The following LIMS1 variants were observed in gnomAD, a reference collection of about 807,000 sequenced individuals.
LIMS1 encodes LIM and senescent cell antigen-like-containing domain protein 1.
A neutral mutation model predicts 44.1 loss-of-function variants in LIMS1; 18 were observed. The observed-to-expected ratio is 0.41, with a 90% CI of 0.28 to 0.61. LIMS1 has a LOEUF of 0.61. Ranked by LOEUF, LIMS1 falls within the 20% of genes least tolerant of loss-of-function variation. The pLI is 0.32. For synonymous variants in LIMS1, 93 were observed against 149.1 expected (o/e 0.62, Z 2.74); for missense variants, 201 against 422.0 (o/e 0.48, Z 4.59).
chr2:108,675,045 C>T (rs1039276374), intron 5 of LIMS1, among the ~76,000 whole-genome samples: 2 of 151,820 alleles, frequency 1.3e-5, no homozygotes, highest in African/African-American at 4.8e-5. Context: ...GAAAATAAAC[C>T]TATTAACCTA....
chr2:108,552,140 CTATA>C lies in LIMS1; in HGVS notation c.32+17549_32+17552del, dbSNP rs891294771. Among the ~76,000 whole-genome samples the C allele has an allele frequency of 2.1e-5, 3 of 143,872 alleles. No homozygotes were observed. In the Admixed American group the frequency reaches 2.1e-4, roughly 10 times the overall value. 94.4% of individuals were successfully genotyped at this position (143,872 alleles called of 152,430 possible). On this transcript the variant is annotated intron_variant, in intron 1 of 9. Transcript: ENST00000544547. Reference sequence around the variant, plus strand: ...TATTATATATACTATATATACTTAACTATATAATTATAGTTAAATATATAAATAT... The same window carrying C: ...TATTATATATACTATATATACTTAACTAATTATAGTTAAATATATAAATAT...
intron 1 of LIMS1, among the ~76,000 whole-genome samples, chr2:108,552,613 T>TGTGTGTGTGTGTGTG (rs57721236): frequency 1.3e-5 from 2 of 148,594 alleles, no homozygotes; most frequent in African/African-American, 5.0e-5. Flanking sequence ...TGTGTGTGTG[T>TGTGTGTGTGTGTGTG]TTTTGGAGAC....
chr2:108,552,592 G>GTA (rs1553451194), intron 1 of LIMS1, among the ~76,000 whole-genome samples: 1 of 125,420 alleles, frequency 8.0e-6, no homozygotes, highest in Admixed American at 7.7e-5. Context: ...TTGGGTGTGT[G>GTA]TGTGTGTGTG....
chr2:108,560,802 A>G (rs750389537), intron 1 of LIMS1, among the ~76,000 whole-genome samples: 1 of 152,154 alleles, frequency 6.6e-6, no homozygotes, highest in Non-Finnish European at 1.5e-5. Context: ...AACAGCTGGA[A>G]GAGTGCCTGT....
chr2:108,539,912 C>T (rs1399878840), intron 1 of LIMS1, among the ~76,000 whole-genome samples: 3 of 151,614 alleles, frequency 2.0e-5, no homozygotes, highest in African/African-American at 7.3e-5. Flanking sequence ...GAGTTCTTAC[C>T]TTCGAATTTT....
chr2:108,535,992 CT>C (rs2104559620), intron 1 of LIMS1, among the ~76,000 whole-genome samples: 1 of 152,182 alleles, frequency 6.6e-6, no homozygotes, highest in East Asian at 1.9e-4. Flanking sequence ...ATAATTTGTA[CT>C]CCTTCATCAT....
intron 1 of LIMS1, among the ~76,000 whole-genome samples, chr2:108,550,930 G>A (rs1242750846): frequency 6.6e-6 from 1 of 152,056 alleles, no homozygotes; most frequent in Non-Finnish European, 1.5e-5. Flanking sequence ...AGACCAGCCT[G>A]GGCAACATAA....
chr2:108,636,413 T>A (rs1264608033), intron 1 of LIMS1, among the ~76,000 whole-genome samples: 4 of 152,234 alleles, frequency 2.6e-5, no homozygotes, highest in Non-Finnish European at 5.9e-5. Context: ...CTAGCCACCA[T>A]GCCCTGCAGG....
At chr2:108,575,466 G>A (rs1337074574) in intron 1 of LIMS1, among the ~76,000 whole-genome samples, 2 of 152,178 alleles carry the variant, frequency 1.3e-5, no homozygotes, top group Non-Finnish European at 2.9e-5. Context: ...TGTTTAAAGC[G>A]TGTTAGCCAT....
chr2:108,564,060 AAAG>A (rs1208624706), intron 1 of LIMS1, among the ~76,000 whole-genome samples: 2 of 151,330 alleles, frequency 1.3e-5, no homozygotes, highest in Admixed American at 6.6e-5. Context: ...AAAAAAAAAA[AAAG>A]GAAAAGGAAA....
chr2:108,654,294 G>A (rs1690700337), intron 1 of LIMS1, among the ~76,000 whole-genome samples: 1 of 152,004 alleles, frequency 6.6e-6, no homozygotes, highest in African/African-American at 2.4e-5. Context: ...AGTCATGATA[G>A]AGACTGAGAA....
At chr2:108,625,510 C>T (rs1688514511) in intron 1 of LIMS1, among the ~76,000 whole-genome samples, 1 of 152,194 alleles carries the variant, frequency 6.6e-6, no homozygotes, top group Non-Finnish European at 1.5e-5. Context: ...ACTCTCTCAC[C>T]TCCCAGTTAG....
intron 1 of LIMS1, among the ~76,000 whole-genome samples, chr2:108,646,968 G>A (rs529057387): frequency 7.9e-5 from 12 of 152,190 alleles, no homozygotes; most frequent in South Asian, 2.1e-4. Context: ...TGATCCGCCC[G>A]CCTCGGCCTC....
chr2:108,621,404 G>A lies in LIMS1; in HGVS notation c.33-38201G>A. 2.6e-6 allele frequency: 4 copies of A among 1,551,124 alleles called. No homozygotes were observed. The highest frequency in any genetic ancestry group is 3.5e-6 in the Non-Finnish European group (4 of 1,147,094). On this transcript the variant is annotated intron_variant, in intron 1 of 9. Coordinates refer to ENST00000544547, the Ensembl canonical transcript of LIMS1. ...CTTTCACATTCAGGTCTCTACAGGA[G>A]AAGACGAGATCGCCCCGATAGTTTG...
intron 1 of LIMS1, among the ~76,000 whole-genome samples, chr2:108,612,073 T>G (rs552379485): frequency 6.8e-6 from 1 of 147,224 alleles, no homozygotes; most frequent in Admixed American, 6.9e-5. Flanking sequence ...TATATATACA[T>G]ATATATATGC....
rs1412069335 is a variant in LIMS1, at chr2:108,621,437, A to G, written c.33-38168A>G. The G allele has an allele frequency of 1.2e-5, 18 of 1,551,098 alleles. No homozygotes were observed. Among genetic ancestry groups the G allele is most frequent in the Non-Finnish European group, 1.4e-5 (16 of 1,147,086 alleles). Reference sequence around the variant, plus strand: ...GATCGCCCCGATAGTTTGAGAGTAAATGGGTTACCAGAGGAAGAGCTAAGG... The same window carrying G: ...GATCGCCCCGATAGTTTGAGAGTAAGTGGGTTACCAGAGGAAGAGCTAAGG... On this transcript the variant is annotated intron_variant, in intron 1 of 9. Transcript: ENST00000544547.
chr2:108,586,048 C>A (rs1052508025), intron 1 of LIMS1, among the ~76,000 whole-genome samples: 1 of 151,976 alleles, frequency 6.6e-6, no homozygotes, highest in Non-Finnish European at 1.5e-5. Flanking sequence ...AAAAATTAGC[C>A]GGGTGTTGTG....
At chr2:108,565,427 C>A in intron 1 of LIMS1, among the ~76,000 whole-genome samples, 1 of 152,202 alleles carries the variant, frequency 6.6e-6, no homozygotes, top group East Asian at 1.9e-4. Context: ...AATAAAGTAA[C>A]TTAAACTGCA....
At chr2:108,686,170 T>G (rs1268862706) in exon 10 of LIMS1, 1 of 151,352 alleles carries the variant, frequency 6.6e-6, no homozygotes, top group East Asian at 2.0e-4. Flanking sequence ...TACAAAAAAA[T>G]TAGCCGGGCG....
Sources: allele counts gnomAD v4.1 joint callset (sites outside exome capture counted in the v4.1 genomes callset), GRCh38; gene constraint gnomAD v4.1.1; transcripts MANE v1.5; gene names NCBI Gene and HGNC (gene_info 2026-07-23, HGNC 2026-07-21).